FERMT1: variants seen among roughly 807,000 people sequenced by gnomAD.
FERMT1 encodes the protein FERM domain containing kindlin 1.
In FERMT1, 60 loss-of-function variants were observed where a neutral mutation model predicts 85.3. The observed-to-expected ratio is 0.70, with a 90% CI of 0.57 to 0.87. The LOEUF is 0.87. Ranked by LOEUF, FERMT1 falls within the 40% of genes least tolerant of loss-of-function variation. FERMT1 has a pLI of 0.00. For missense variants in FERMT1, 701 were observed against 818.9 expected, an observed-to-expected ratio of 0.86 and a Z score of 1.76; for synonymous variants, 275 against 301.1, an observed-to-expected ratio of 0.91 and a Z score of 0.90.
At position 6,118,038 on chromosome 20, in the gene FERMT1, T is replaced by C. The variant is rs982860675; in HGVS notation, c.151+1366A>G. On this transcript the variant is annotated intron_variant, in intron 2 of 14. Coordinates refer to ENST00000217289, the MANE Select transcript of FERMT1 (RefSeq NM_017671.5). ...TTTTGGAAAACCTTATGAATCAGCA[T>C]TTTTTTTCTCTGAACTATACCACCC... Among the ~76,000 whole-genome samples, 6 of 54,490 alleles carry C rather than the reference T, an allele frequency of 1.1e-4. 1 individual carries two copies. The highest frequency in any genetic ancestry group is 3.0e-4 in the African/African-American group (5 of 16,750). 35.7% of individuals were successfully genotyped at this position (54,490 alleles called of 152,430 possible).
chr20:6,115,537 T>TG, intron 3 of FERMT1, among the ~76,000 whole-genome samples: 1 of 152,216 alleles, frequency 6.6e-6, no homozygotes, highest in Non-Finnish European at 1.5e-5. Context: ...CAATAAATTT[T>TG]GGGGGGCAAT....
In FERMT1 at chr20:6,090,129, C is replaced by T. The variant is rs573049299; in HGVS notation, c.1140-1040G>A. On this transcript the variant is annotated intron_variant, in intron 9 of 14. Coordinates refer to ENST00000217289, the MANE Select transcript of FERMT1 (RefSeq NM_017671.5). ...CTCGCTCTGTTGCCAGGCTAGAGTG[C>T]TGTGGCACGATCTCGGCTCACTGCA... 3.3e-5 allele frequency among the ~76,000 whole-genome samples: 5 copies of T among 152,106 alleles called. No homozygotes were observed. In the East Asian group the frequency reaches 7.8e-4, roughly 24 times the overall value.
At position 6,089,868 on chromosome 20, in the gene FERMT1, A is replaced by G. The variant is rs149525362; in HGVS notation, c.1140-779T>C. 2.0e-5 allele frequency among the ~76,000 whole-genome samples: 3 copies of G among 152,278 alleles called. No homozygotes were observed. In the East Asian group the frequency reaches 5.8e-4, roughly 29 times the overall value. On this transcript the variant is annotated intron_variant, in intron 9 of 14. Coordinates refer to ENST00000217289, the MANE Select transcript of FERMT1 (RefSeq NM_017671.5). The stretch of plus-strand genomic sequence containing the variant: ...AAAGGTTGGGTCATTCAAAATAGGA[A>G]ACGTGAGAATGAGCTAGGGGGAGGA...
In FERMT1 at chr20:6,104,944, G is replaced by C. The variant is rs1354410930; in HGVS notation, c.849+2588C>G. Among the ~76,000 whole-genome samples, 1 of 152,170 alleles carries C rather than the reference G, an allele frequency of 6.6e-6. No homozygotes were observed. Among genetic ancestry groups the C allele is most frequent in the African/African-American group, 2.4e-5 (1 of 41,434 alleles). On this transcript the variant is annotated intron_variant, in intron 6 of 14. Transcript: ENST00000217289. The surrounding 1 kb of genome is among the most constrained non-coding windows in gnomAD (Gnocchi z 4.2). ...TTTTTAGCTCAAGCTTAGTTCTGAA[G>C]CAGCGGATTGAATCGGGGGAGTCTC...
At chr20:6,115,647 A>G (rs1040232899) in intron 3 of FERMT1, among the ~76,000 whole-genome samples, 164 bp downstream of exon 3, 27 of 152,310 alleles carry the variant, frequency 1.8e-4, no homozygotes, top group African/African-American at 5.3e-4. Flanking sequence ...CACTTGGCTT[A>G]ACTCCACTTA....
Position 6,076,638 on chromosome 20 carries a change from C to G in FERMT1, c.*535G>C, listed in dbSNP as rs1013538347. The stretch of plus-strand genomic sequence containing the variant: ...GGTAGCCCCACCCCTCCCCTTTCTA[C>G]CCCTAGACCTTGGCCTCCAGGGAAA... On this transcript the variant is annotated 3_prime_UTR_variant, in exon 15 of 15. Coordinates refer to ENST00000217289, the MANE Select transcript of FERMT1 (RefSeq NM_017671.5). 8.4e-6 allele frequency: 3 copies of G among 356,394 alleles called. No individual in the cohort carries two copies. The highest frequency in any genetic ancestry group is 1.7e-5 in the Non-Finnish European group (3 of 180,498). The allele number at this position is 356,394 out of a possible 1,614,324, so 22.1% of individuals were successfully genotyped here.
At chr20:6,098,319 C>A (rs189685848) in intron 6 of FERMT1, among the ~76,000 whole-genome samples, 2 of 151,992 alleles carry the variant, frequency 1.3e-5, no homozygotes, top group African/African-American at 4.8e-5. Context: ...AAGCAGAATC[C>A]GATAGGATTT....
rs1255066669 is a variant in FERMT1, at chr20:6,107,805, C to T, written c.747-171G>A. 2.6e-5 allele frequency among the ~76,000 whole-genome samples: 4 copies of T among 152,168 alleles called. No individual in the cohort carries two copies. The East Asian group carries it at 7.7e-4, about 29-fold the overall frequency. The stretch of plus-strand genomic sequence containing the variant: ...AAATCTGAAATTCTCCAAAATCTGA[C>T]ACTTTCTGAGCACTGACCTGAGGCT... On this transcript the variant is annotated intron_variant, in intron 5 of 14. Transcript: ENST00000217289.
chr20:6,120,248 ATAAT>A (rs1478504435), intron 1 of FERMT1: 3 of 152,248 alleles, frequency 2.0e-5, no homozygotes, highest in African/African-American at 7.2e-5. Context: ...CAGGTCATTA[ATAAT>A]TATTGCCATG....
At chr20:6,089,732 T>C (rs1038281800) in intron 9 of FERMT1, among the ~76,000 whole-genome samples, 2 of 152,206 alleles carry the variant, frequency 1.3e-5, no homozygotes, top group African/African-American at 4.8e-5. Flanking sequence ...ACTCTACTGT[T>C]ATTAAAAACT....
At chr20:6,083,303 T>A (rs62200469) in intron 13 of FERMT1, among the ~76,000 whole-genome samples, 5,504 of 152,114 alleles carry the variant, frequency 0.036, 144 homozygotes, top group Middle Eastern at 0.065. Context: ...TGCCCTGGAC[T>A]GGGGGTGAAC....
intron 3 of FERMT1, 50 bp from the exon 4 acceptor site, chr20:6,112,673 C>T: frequency 7.8e-7 from 1 of 1,284,268 alleles, no homozygotes; most frequent in Non-Finnish European, 1.1e-6. Flanking sequence ...AAGAAAACTC[C>T]TTCTAAGACT....
At chr20:6,091,695 A>C (rs1315455927) in intron 9 of FERMT1, among the ~76,000 whole-genome samples, 1 of 152,198 alleles carries the variant, frequency 6.6e-6, no homozygotes, top group Non-Finnish European at 1.5e-5. Flanking sequence ...ATGAGGCCCT[A>C]CTTCTCTGTT....
At chr20:6,081,266 TAA>T (rs34199919) in intron 13 of FERMT1, among the ~76,000 whole-genome samples, 20,138 of 140,738 alleles carry the variant, frequency 0.14, 1,641 homozygotes, top group African/African-American at 0.25. Context: ...TGCCTCTAAT[TAA>T]AAAAAAAAAA....
intron 9 of FERMT1, among the ~76,000 whole-genome samples, chr20:6,092,311 A>G (rs1982392151): frequency 6.6e-6 from 1 of 152,118 alleles, no homozygotes; most frequent in Admixed American, 6.6e-5. Context: ...TTGGGAGGCC[A>G]AAAAGGGAAG....
intron 13 of FERMT1, 140 bp from the exon 14 acceptor site, chr20:6,079,717 C>T (rs1981940862): frequency 1.9e-5 from 16 of 827,248 alleles, no homozygotes; most frequent in South Asian, 1.8e-4. Context: ...TAACTTTCTG[C>T]AGGGGGGCAT....
At chr20:6,107,144 C>A (rs1040495382) in intron 6 of FERMT1, among the ~76,000 whole-genome samples, 1 of 147,424 alleles carries the variant, frequency 6.8e-6, no homozygotes, top group Admixed American at 6.9e-5. Flanking sequence ...TGCAGTCAGC[C>A]AAGATCGTGC....
At chr20:6,093,222 G>A (rs1026546844) in intron 9 of FERMT1, among the ~76,000 whole-genome samples, 5 of 152,036 alleles carry the variant, frequency 3.3e-5, no homozygotes, top group African/African-American at 9.7e-5. Context: ...TTCCACTCTC[G>A]AATCTCCCTC....
chr20:6,095,020 G>A (rs370788314), intron 8 of FERMT1, 32 bp from the exon 9 acceptor site: 1 of 1,302,994 alleles, frequency 7.7e-7, no homozygotes, highest in African/African-American at 1.5e-5. Context: ...TTCAAAAGCA[G>A]GAACTTCATA....
Sources: allele counts gnomAD v4.1 joint callset (sites outside exome capture counted in the v4.1 genomes callset), GRCh38; gene constraint gnomAD v4.1.1; non-coding constraint Gnocchi (gnomAD v3.1); transcripts MANE v1.5; gene names NCBI Gene and HGNC (gene_info 2026-07-23, HGNC 2026-07-21).